The following DIAPH3 variants were observed in gnomAD, a reference collection of about 807,000 sequenced individuals.
The protein encoded by DIAPH3 is protein diaphanous homolog 3.
In DIAPH3, 117 loss-of-function variants were observed where a neutral mutation model predicts 144.3. That is an observed-to-expected ratio of 0.81 (90% CI 0.70 to 0.95). The LOEUF is 0.95. Among genes scored for constraint, DIAPH3 ranks in the 40% least tolerant of loss-of-function variants. The pLI is 0.00. For synonymous variants in DIAPH3, 519 were observed against 488.9 expected, an observed-to-expected ratio of 1.06 and a Z score of -0.81; for missense variants, 1,421 against 1,412.7, an observed-to-expected ratio of 1.01 and a Z score of -0.09.
chr13:60,120,692 T>C (rs2058823106), intron 2 of DIAPH3, among the ~76,000 whole-genome samples: 1 of 152,196 alleles, frequency 6.6e-6, no homozygotes, highest in African/African-American at 2.4e-5. Flanking sequence ...CATGGAGCAG[T>C]GTTTGGAGAT....
At chr13:60,098,450 C>G (rs2058172423) in intron 3 of DIAPH3, among the ~76,000 whole-genome samples, 1 of 152,046 alleles carries the variant, frequency 6.6e-6, no homozygotes. Flanking sequence ...GAAGCCAACA[C>G]TCATCACCTG....
At chr13:59,918,417 C>A (rs188488832) in intron 18 of DIAPH3, among the ~76,000 whole-genome samples, 10 of 152,208 alleles carry the variant, frequency 6.6e-5, no homozygotes, top group Admixed American at 1.3e-4. Context: ...AGAAAAGACT[C>A]GAGTTCTGGC....
At chr13:59,796,742 G>A (rs11842863) in intron 25 of DIAPH3, among the ~76,000 whole-genome samples, 11,709 of 151,954 alleles carry the variant, frequency 0.077, 576 homozygotes, top group South Asian at 0.18. Context: ...CCAAAGGGGG[G>A]AAAAAAACCA....
chr13:59,761,449 G>A (rs868130146), intron 27 of DIAPH3, among the ~76,000 whole-genome samples: 8 of 152,168 alleles, frequency 5.3e-5, no homozygotes, highest in African/African-American at 1.7e-4. Context: ...AAAATGTAGA[G>A]TGGTACTTGA....
intron 27 of DIAPH3, among the ~76,000 whole-genome samples, chr13:59,740,093 A>G (rs936771613): frequency 1.3e-5 from 2 of 152,224 alleles, no homozygotes; most frequent in Non-Finnish European, 2.9e-5. Flanking sequence ...ATGAAACTTC[A>G]GCAGATATAC....
intron 25 of DIAPH3, among the ~76,000 whole-genome samples, chr13:59,794,774 G>T (rs1262224357): frequency 4.6e-5 from 7 of 152,140 alleles, no homozygotes; most frequent in Non-Finnish European, 1.0e-4. Flanking sequence ...CTCCCAAAGT[G>T]CTGGGATTAC....
chr13:60,089,538 T>C (rs1186534592), intron 4 of DIAPH3, among the ~76,000 whole-genome samples: 1 of 152,244 alleles, frequency 6.6e-6, no homozygotes, highest in Admixed American at 6.5e-5. Context: ...TTCTCTGTTC[T>C]GGTCCAGAAT....
At chr13:60,016,245 C>T (rs2053641038) in intron 5 of DIAPH3, 100 bp from the exon 6 acceptor site, 6 of 1,074,168 alleles carry the variant, frequency 5.6e-6, no homozygotes, top group Admixed American at 4.2e-5. Context: ...TATTCCTAAT[C>T]GTAACTAAAA....
intron 27 of DIAPH3, among the ~76,000 whole-genome samples, chr13:59,681,603 G>A (rs1566175877): frequency 6.7e-6 from 1 of 148,524 alleles, no homozygotes; most frequent in Non-Finnish European, 1.5e-5. Context: ...TGTTTTAAGT[G>A]TTTTTTTTTT....
intron 22 of DIAPH3, among the ~76,000 whole-genome samples, chr13:59,841,787 G>C (rs1037360853): frequency 1.1e-4 from 16 of 152,184 alleles, no homozygotes; most frequent in Middle Eastern, 6.8e-3. Context: ...ATGTATGTCA[G>C]GTACCGTCTT....
intron 27 of DIAPH3, among the ~76,000 whole-genome samples, chr13:59,679,480 C>T (rs2032824212): frequency 6.6e-6 from 1 of 152,110 alleles, no homozygotes; most frequent in African/African-American, 2.4e-5. Context: ...GGCTTTGGAG[C>T]ACCTCCTGTC....
At position 59,992,122 on chromosome 13, in the gene DIAPH3, T is replaced by C; in HGVS notation, c.1190A>G (p.Glu397Gly). The change falls in exon 11 of 28, where the codon GAA becomes GGA. Residue 397 changes from glutamate (E) to glycine (G), a missense_variant. Coordinates refer to ENST00000400324, the MANE Select transcript of DIAPH3 (RefSeq NM_001042517.2). The stretch of plus-strand genomic sequence containing the variant: ...ATGGGATAACTCAAACAAATCTTCT[T>C]CTTTATGCTCATCAAAGACTTTAAG... ...IQLKVFDEHK[E>G]EDLFELSHRL... is the part of the protein sequence containing the mutation. The C allele has an allele frequency of 1.2e-6, 2 of 1,612,058 alleles. No individual in the cohort carries two copies. The highest frequency in any genetic ancestry group is 2.2e-5 in the East Asian group (1 of 44,686).
chr13:59,836,339 TA>T (rs1281771662), intron 23 of DIAPH3, among the ~76,000 whole-genome samples: 1 of 151,826 alleles, frequency 6.6e-6, no homozygotes, highest in African/African-American at 2.4e-5. Flanking sequence ...TCACATATAA[TA>T]GCTTGCATGT....
At chr13:60,122,708 G>A (rs2138155845) in intron 2 of DIAPH3, among the ~76,000 whole-genome samples, 1 of 151,852 alleles carries the variant, frequency 6.6e-6, no homozygotes, top group Non-Finnish European at 1.5e-5. Context: ...TATTCAATAG[G>A]AAAACCCAGA....
intron 4 of DIAPH3, among the ~76,000 whole-genome samples, chr13:60,052,984 A>AAAAAAAAAAAAG (rs2056414285): frequency 2.0e-5 from 3 of 146,792 alleles, no homozygotes; most frequent in African/African-American, 5.1e-5. Flanking sequence ...AAAAAAAGAA[A>AAAAAAAAAAAAG]TAATAATAAG....
In DIAPH3 at chr13:59,666,394, C is replaced by A; in HGVS notation, c.*190G>T. ...AAAAAGGATTAAAGCCCGGTACAAT[C>A]TTGAATAAACCAAAACCTCCAGTAC... On this transcript the variant is annotated 3_prime_UTR_variant, in exon 28 of 28. Transcript: ENST00000400324. The A allele has an allele frequency of 3.4e-5, 20 of 586,410 alleles. No homozygotes were observed. The highest frequency in any genetic ancestry group is 3.9e-5 in the Non-Finnish European group (14 of 361,240). 36.3% of individuals were successfully genotyped at this position (586,410 alleles called of 1,614,324 possible). A position where few individuals can be genotyped will look rare whatever the true frequency, so the allele number is the denominator to read the frequency against.
chr13:59,741,384 C>T (rs377306217), intron 27 of DIAPH3, among the ~76,000 whole-genome samples: 4 of 152,212 alleles, frequency 2.6e-5, no homozygotes, highest in Middle Eastern at 3.4e-3. Context: ...TCATATTCCA[C>T]CTAATGAAAG....
chr13:59,742,371 G>A (rs2036498865), intron 27 of DIAPH3, among the ~76,000 whole-genome samples: 2 of 152,152 alleles, frequency 1.3e-5, no homozygotes, highest in Non-Finnish European at 2.9e-5. Flanking sequence ...GATGAAAAGT[G>A]GATAGTCAAG....
intron 9 of DIAPH3, among the ~76,000 whole-genome samples, chr13:59,999,438 T>C (rs1406893042): frequency 1.3e-5 from 2 of 152,162 alleles, no homozygotes; most frequent in African/African-American, 4.8e-5. Flanking sequence ...TTGAAGAGTT[T>C]TTTTTTAAGT....
Sources: allele counts gnomAD v4.1 joint callset (sites outside exome capture counted in the v4.1 genomes callset), GRCh38; gene constraint gnomAD v4.1.1; transcripts MANE v1.5; gene names NCBI Gene and HGNC (gene_info 2026-07-23, HGNC 2026-07-21).